The following COX20 variants were observed in gnomAD, a reference collection of about 807,000 sequenced individuals.
COX20 encodes cytochrome c oxidase assembly protein COX20, mitochondrial.
COX20 carries 14 observed loss-of-function variants against 14.3 expected under a neutral mutation model. The ratio of observed to expected loss-of-function variants is 0.98; its 90% confidence interval spans 0.65 to 1.53. The LOEUF (loss-of-function observed/expected upper bound fraction) is 1.53. Among genes scored for constraint, COX20 ranks in the 40% most tolerant of loss-of-function variants. The pLI is 0.00. For synonymous variants in COX20, 56 were observed against 51.7 expected, an observed-to-expected ratio of 1.08 and a Z score of -0.36; for missense variants, 149 against 142.1, an observed-to-expected ratio of 1.05 and a Z score of -0.25.
chr1:244,839,782 C>T (rs1200828219), intron 1 of COX20: 1 of 152,170 alleles, frequency 6.6e-6, no homozygotes, highest in Admixed American at 6.5e-5. Flanking sequence ...ACCCTCCAGC[C>T]TTGGTTACTT....
Position 244,842,233 on chromosome 1 carries a change from T to A in COX20, c.196T>A (p.Phe66Ile). ...ATCATGTGATGTTGGAGTAGGAGGG[T>A]TTATCTTGGTGACTTTGGGATGCTG... The part of the protein sequence containing the change: ...RRSCDVGVGG[F>I]ILVTLGCWFH... The change falls in exon 3 of 4, where the codon TTT becomes ATT. Residue 66 changes from phenylalanine to isoleucine, a missense_variant. Transcript: ENST00000411948. 6.2e-7 allele frequency: 1 copy of A among 1,608,776 alleles called. No homozygotes were observed. The highest frequency in any genetic ancestry group is 2.2e-5 in the East Asian group (1 of 44,816).
intron 1 of COX20, chr1:244,841,726 T>A: frequency 2.1e-6 from 1 of 478,344 alleles, no homozygotes. Context: ...TGCTTAAGGG[T>A]TTTCCGGTCC....
chr1:244,841,512 C>A (rs1228002910), intron 1 of COX20: 1 of 158,702 alleles, frequency 6.3e-6, no homozygotes, highest in African/African-American at 2.4e-5. Flanking sequence ...TTTTAAACGG[C>A]ACTACATAAG....
intron 1 of COX20, chr1:244,836,376 A>C: frequency 1.1e-6 from 1 of 875,588 alleles, no homozygotes; most frequent in Non-Finnish European, 1.9e-6. Context: ...CTATCTCTTT[A>C]AGGATAAAAC....
chr1:244,835,750 G>A lies in COX20; in HGVS notation c.36G>A (p.Glu12=), dbSNP rs1321254215. 7.9e-7 allele frequency: 1 copy of A among 1,271,088 alleles called. No individual in the cohort carries two copies. The allele number at this position is 1,271,088 out of a possible 1,614,324, so 78.7% of individuals were successfully genotyped here. A position where few individuals can be genotyped will look rare whatever the true frequency, so the allele number is the denominator to read the frequency against. Residue 12 remains glutamate (E), a synonymous_variant, in exon 1 of 4, where the codon GAG becomes GAA. Transcript: ENST00000411948. ...AAPPEPGEPE[E]RKSLKLLGFL... ...CGCCGGAGCCCGGTGAGCCCGAGGA[G>A]AGGAAGGTAACCTGGGGGTCGGCGG...
intron 1 of COX20, chr1:244,840,733 T>G (rs932510039): frequency 2.0e-5 from 3 of 152,194 alleles, no homozygotes; most frequent in African/African-American, 7.2e-5. Context: ...TAGGCAGAAA[T>G]ACAATTGAGA....
At chr1:244,837,027 T>C (rs1680011273) in intron 1 of COX20, among the ~76,000 whole-genome samples, 1 of 151,880 alleles carries the variant, frequency 6.6e-6, no homozygotes, top group Admixed American at 6.6e-5. Flanking sequence ...TGATAAACAC[T>C]GGAATCCTGA....
At chr1:244,842,382 T>A (rs561819757) in intron 3 of COX20, 124 bp downstream of exon 3, 270 of 728,638 alleles carry the variant, frequency 3.7e-4, no homozygotes, top group Middle Eastern at 2.8e-3. Flanking sequence ...GAATCTTGAT[T>A]TTTCAGGACA....
At chr1:244,842,301 G>T (rs771393664) in intron 3 of COX20, 43 bp downstream of exon 3, 1 of 1,334,910 alleles carries the variant, frequency 7.5e-7, no homozygotes, top group Admixed American at 1.7e-5. Flanking sequence ...ATTATAGTAG[G>T]TTATCTAATT....
At chr1:244,842,337 C>A in intron 3 of COX20, 79 bp downstream of exon 3, 1 of 983,622 alleles carries the variant, frequency 1.0e-6, no homozygotes, top group Non-Finnish European at 1.6e-6. Context: ...CTTTTCAGAG[C>A]AGTCTCCCAT....
chr1:244,838,858 T>C (rs1680084715), intron 1 of COX20, among the ~76,000 whole-genome samples: 1 of 152,060 alleles, frequency 6.6e-6, no homozygotes, highest in Non-Finnish European at 1.5e-5. Context: ...AGTGGTGCCA[T>C]CTTGGCTCAC....
upstream of COX20, chr1:244,835,596 T>C: frequency 6.8e-6 from 5 of 733,236 alleles, no homozygotes; most frequent in Non-Finnish European, 9.4e-6. Flanking sequence ...GGCCGGCGCG[T>C]CGGAACAGGG....
intron 1 of COX20, chr1:244,840,314 C>G (rs1015383488): frequency 1.3e-5 from 2 of 152,194 alleles, no homozygotes; most frequent in Non-Finnish European, 2.9e-5. Context: ...AAGCTGGTCT[C>G]ACACTTGCAT....
chr1:244,843,225 A>T lies in COX20; in HGVS notation c.*49A>T, dbSNP rs1419877805. 1 of 1,495,132 alleles carries T rather than the reference A, an allele frequency of 6.7e-7. No individual in the cohort carries two copies. 92.6% of individuals were successfully genotyped at this position (1,495,132 alleles called of 1,614,324 possible). A position where few individuals can be genotyped will look rare whatever the true frequency, so the allele number is the denominator to read the frequency against. On this transcript the variant is annotated 3_prime_UTR_variant, in exon 4 of 4. Coordinates refer to ENST00000411948, the MANE Select transcript of COX20 (RefSeq NM_198076.6). Reference sequence around the variant, plus strand: ...TGTAAACGAAGTTAAGATCAACCACATAAAACATTTCATGTGCAATAAGCT... The same window carrying T: ...TGTAAACGAAGTTAAGATCAACCACTTAAAACATTTCATGTGCAATAAGCT...
chr1:244,835,638 G>A, upstream of COX20: 1 of 1,142,330 alleles, frequency 8.8e-7, no homozygotes, highest in Non-Finnish European at 1.1e-6. Flanking sequence ...GGCGGGACGG[G>A]GAGGGGCGCG....
chr1:244,843,335 C>G lies in COX20; in HGVS notation c.*159C>G. 1 of 701,376 alleles carries G rather than the reference C, an allele frequency of 1.4e-6. No individual in the cohort carries two copies. The highest frequency in any genetic ancestry group is 2.3e-6 in the Non-Finnish European group (1 of 428,986). 43.4% of individuals were successfully genotyped at this position (701,376 alleles called of 1,614,324 possible). The stretch of plus-strand genomic sequence containing the variant: ...GAAAACTTGCCAGTTTATTCTGGCC[C>G]TGTGTCTACTGCCAGGATAGCATTC... On this transcript the variant is annotated 3_prime_UTR_variant, in exon 4 of 4. Coordinates refer to ENST00000411948, the MANE Select transcript of COX20 (RefSeq NM_198076.6).
upstream of COX20, chr1:244,835,556 C>A (rs1573305826): frequency 2.2e-6 from 1 of 454,424 alleles, no homozygotes; most frequent in South Asian, 1.1e-4. Flanking sequence ...GCGGCCACTG[C>A]GGAGCGTTAG....
intron 1 of COX20, among the ~76,000 whole-genome samples, chr1:244,837,894 T>C (rs563218842): frequency 1.3e-5 from 2 of 152,312 alleles, no homozygotes; most frequent in Admixed American, 1.3e-4. Flanking sequence ...TGGTAAGGAT[T>C]CTGAGCATAA....
At chr1:244,839,112 C>A (rs1172340588) in intron 1 of COX20, among the ~76,000 whole-genome samples, 1 of 151,394 alleles carries the variant, frequency 6.6e-6, no homozygotes, top group Non-Finnish European at 1.5e-5. Context: ...TAAATTATTG[C>A]AAGTGAAAAA....
Sources: allele counts gnomAD v4.1 joint callset (sites outside exome capture counted in the v4.1 genomes callset), GRCh38; gene constraint gnomAD v4.1.1; transcripts MANE v1.5; gene names NCBI Gene and HGNC (gene_info 2026-07-23, HGNC 2026-07-21).